Variants in LGALS8 observed in about 807,000 individuals in gnomAD.
LGALS8 encodes the protein galectin-8.
Under a neutral mutation model 35.9 loss-of-function variants are expected in LGALS8, and 30 were observed. The ratio of observed to expected loss-of-function variants is 0.83; its 90% CI spans 0.62 to 1.13. LGALS8 has a LOEUF of 1.13. Ranked by LOEUF, LGALS8 falls within the 50% of genes most tolerant of loss-of-function variation. The pLI is 0.00. For synonymous variants in LGALS8, 138 were observed against 136.1 expected (o/e 1.01, Z -0.10); for missense variants, 366 against 388.7 (o/e 0.94, Z 0.49).
chr1:236,550,006 C>T lies in LGALS8; in HGVS notation c.*1845C>T, dbSNP rs539981005. On this transcript the variant is annotated 3_prime_UTR_variant, in exon 10 of 10. Transcript: ENST00000366584. Reference sequence around the variant, plus strand: ...TTTTAAACTCAATGCGAACATTCTACGGGATGTTCTTAGATGCCTTTAAAA... The same window carrying T: ...TTTTAAACTCAATGCGAACATTCTATGGGATGTTCTTAGATGCCTTTAAAA... The T allele has an allele frequency of 2.0e-5, 3 of 152,238 alleles. No homozygotes were observed. The highest frequency in any genetic ancestry group is 2.1e-4 in the South Asian group (1 of 4,824). The allele number at this position is 152,238 out of a possible 1,614,324, so 9.4% of individuals were successfully genotyped here. A position where few individuals can be genotyped will look rare whatever the true frequency, so the allele number is the denominator to read the frequency against.
intron 1 of LGALS8, 81 bp from the exon 2 acceptor site, chr1:236,525,887 T>C (rs7518541): frequency 0.02 from 9,578 of 477,978 alleles, 691 homozygotes; most frequent in African/African-American, 0.16. Context: ...TAACATAATA[T>C]ATAATTTAAA....
At position 236,548,278 on chromosome 1, in the gene LGALS8, A is replaced by C; in HGVS notation, c.*117A>C. On this transcript the variant is annotated 3_prime_UTR_variant, in exon 10 of 10. Transcript: ENST00000366584. ...TTATATTGTTAAAATGAGCTTGTGC[A>C]CCATTAGGTCCTGCTGGGTGTTCTC... is the stretch of plus-strand genomic sequence containing the variant. The C allele has an allele frequency of 1.0e-6, 1 of 972,662 alleles. No individual in the cohort carries two copies. Among genetic ancestry groups the C allele is most frequent in the East Asian group, 2.6e-5 (1 of 38,062 alleles). The allele number at this position is 972,662 out of a possible 1,614,324, so 60.3% of individuals were successfully genotyped here. A position where few individuals can be genotyped will look rare whatever the true frequency, so the allele number is the denominator to read the frequency against.
In LGALS8 at chr1:236,550,797, A is replaced by T; in HGVS notation, c.*2636A>T. The T allele has an allele frequency of 1.3e-6, 1 of 778,960 alleles. No homozygotes were observed. Among genetic ancestry groups the T allele is most frequent in the Non-Finnish European group, 2.1e-6 (1 of 477,070 alleles). 48.3% of individuals were successfully genotyped at this position (778,960 alleles called of 1,614,324 possible). A position where few individuals can be genotyped will look rare whatever the true frequency, so the allele number is the denominator to read the frequency against. ...TAAAACATTTGTAAGTAATCCAAGT[A>T]GGTGTATTAAGGCACCAAAAGTAAC... On this transcript the variant is annotated 3_prime_UTR_variant, in exon 10 of 10. Transcript: ENST00000366584.
At position 236,540,622 on chromosome 1, in the gene LGALS8, T is replaced by C. The variant is rs200833299; in HGVS notation, c.404T>C (p.Ile135Thr). The change falls in exon 5 of 10, where the codon ATA becomes ACA. Residue 135 changes from isoleucine to threonine, a missense_variant. Ile to Thr is a moderately conservative substitution (Grantham distance 89). Transcript: ENST00000366584. ...LYGHRIGPEK[I>T]DTLGIYGKVN... ...GGCCACAGGATCGGCCCAGAGAAAA[T>C]AGACACTCTGGGCATTTATGGCAAA... 275 of 1,611,498 alleles carry C rather than the reference T, an allele frequency of 1.7e-4. No individual in the cohort carries two copies. Among genetic ancestry groups the C allele is most frequent in the Non-Finnish European group, 2.0e-4 (236 of 1,178,996 alleles).
At chr1:236,527,381 A>G (rs924952631) in intron 2 of LGALS8, among the ~76,000 whole-genome samples, 1 of 152,226 alleles carries the variant, frequency 6.6e-6, no homozygotes, top group African/African-American at 2.4e-5. Flanking sequence ...GGGGATCTGG[A>G]GAAGTAGTTC....
Position 236,526,244 on chromosome 1 carries a change from G to C in LGALS8, c.45+129G>C. On this transcript the variant is annotated intron_variant, in intron 2 of 9. Coordinates refer to ENST00000366584, the MANE Select transcript of LGALS8 (RefSeq NM_201544.4). This position sits in a 1 kb window ranked among gnomAD's most constrained non-coding sequence, Gnocchi z 4.6. ...TATTTAAAGCACCTACTATGTAATA[G>C]AGATGGTGGTGGGTGCTGATTACAA... The C allele has an allele frequency of 1.6e-6, 1 of 620,412 alleles. No individual in the cohort carries two copies. Among genetic ancestry groups the C allele is most frequent in the Non-Finnish European group, 2.8e-6 (1 of 357,222 alleles). 38.4% of individuals were successfully genotyped at this position (620,412 alleles called of 1,614,324 possible).
At position 236,542,181 on chromosome 1, in the gene LGALS8, C is replaced by T. The variant is rs564597933; in HGVS notation, c.522+471C>T. On this transcript the variant is annotated intron_variant, in intron 6 of 9. Transcript: ENST00000366584. ...CACCCTGGAAAGGACAACTAAGACA[C>T]GTTTGAAGTTCATGTAGTGCTGGGT... The T allele has an allele frequency of 4.9e-5, 8 of 163,924 alleles. No individual in the cohort carries two copies. In the South Asian group the frequency reaches 8.9e-4, roughly 18 times the overall value. 10.2% of individuals were successfully genotyped at this position (163,924 alleles called of 1,614,324 possible).
chr1:236,543,043 T>A, intron 7 of LGALS8: 2 of 1,613,724 alleles, frequency 1.2e-6, no homozygotes, highest in Non-Finnish European at 1.7e-6. Flanking sequence ...TGTCAAAGGT[T>A]TGAAGAGCAC....
In LGALS8 at chr1:236,524,010, A is replaced by G. The variant is rs1046978393; in HGVS notation, c.-155A>G. Reference sequence around the variant, plus strand: ...AGAGCCGGGAACCCTGACGGCACTTAGCTGCTGACAAACAACCTGCTCCGT... The same window carrying G: ...AGAGCCGGGAACCCTGACGGCACTTGGCTGCTGACAAACAACCTGCTCCGT... On this transcript the variant is annotated 5_prime_UTR_variant, in exon 1 of 10. Coordinates refer to ENST00000366584, the MANE Select transcript of LGALS8 (RefSeq NM_201544.4). The G allele has an allele frequency of 1.2e-5, 5 of 416,972 alleles. No homozygotes were observed. The highest frequency in any genetic ancestry group is 2.6e-5 in the Admixed American group (1 of 38,434). 25.8% of individuals were successfully genotyped at this position (416,972 alleles called of 1,614,324 possible).
intron 2 of LGALS8, among the ~76,000 whole-genome samples, chr1:236,531,397 T>C (rs150858735): frequency 0.011 from 1,681 of 152,188 alleles, 27 homozygotes; most frequent in African/African-American, 0.036. Flanking sequence ...GATCTTGGCT[T>C]ACTGCAAGCT....
At chr1:236,539,291 A>G (rs1247434172) in intron 4 of LGALS8, 5 of 573,926 alleles carry the variant, frequency 8.7e-6, no homozygotes, top group Middle Eastern at 4.7e-4. Flanking sequence ...AGTTGTTGCC[A>G]TGCAGAAATA....
At chr1:236,532,569 C>T (rs150279346) in intron 2 of LGALS8, among the ~76,000 whole-genome samples, 10 of 152,198 alleles carry the variant, frequency 6.6e-5, no homozygotes, top group East Asian at 5.8e-4. Flanking sequence ...AGGCCAGGCG[C>T]GGTGGCTCAC....
intron 9 of LGALS8, 96 bp from the exon 10 acceptor site, chr1:236,547,916 A>G: frequency 9.2e-7 from 1 of 1,087,774 alleles, no homozygotes; most frequent in South Asian, 1.5e-5. Flanking sequence ...TTTTCTATGT[A>G]TAATCAAATG....
intron 9 of LGALS8, among the ~76,000 whole-genome samples, chr1:236,546,502 G>A (rs1662372278): frequency 6.6e-6 from 1 of 151,882 alleles, no homozygotes; most frequent in African/African-American, 2.4e-5. Context: ...CTCATTCAGT[G>A]TTGTAATTTC....
chr1:236,541,500 G>A, intron 5 of LGALS8, 154 bp from the exon 6 acceptor site: 3 of 512,394 alleles, frequency 5.9e-6, no homozygotes, highest in South Asian at 6.7e-5. Context: ...TCTGATGGGG[G>A]GCGGAAAGGA....
At chr1:236,537,318 G>A (rs1287337478) in intron 2 of LGALS8, among the ~76,000 whole-genome samples, 179 bp from the exon 3 acceptor site, 2 of 152,122 alleles carry the variant, frequency 1.3e-5, no homozygotes, top group African/African-American at 4.8e-5. Context: ...CCCGGCCGCA[G>A]TTCCTTTTTC....
chr1:236,527,983 A>T (rs1320539731), intron 2 of LGALS8, among the ~76,000 whole-genome samples: 2 of 152,028 alleles, frequency 1.3e-5, no homozygotes, highest in Non-Finnish European at 2.9e-5. Flanking sequence ...TGATGTGCCC[A>T]CCTTGACCTC....
upstream of LGALS8, chr1:236,522,934 C>T (rs1038363854): frequency 6.6e-6 from 1 of 152,092 alleles, no homozygotes; most frequent in Non-Finnish European, 1.5e-5. Flanking sequence ...ATAATGAAAA[C>T]AAAAGCCAGG....
intron 4 of LGALS8, 124 bp downstream of exon 4, chr1:236,539,213 T>A: frequency 1.2e-6 from 1 of 818,654 alleles, no homozygotes; most frequent in Non-Finnish European, 2.0e-6. Flanking sequence ...TTTGGCTTTG[T>A]AGTTTTTCTC....
Sources: allele counts gnomAD v4.1 joint callset (sites outside exome capture counted in the v4.1 genomes callset), GRCh38; gene constraint gnomAD v4.1.1; non-coding constraint Gnocchi (gnomAD v3.1); transcripts MANE v1.5; gene names NCBI Gene and HGNC (gene_info 2026-07-23, HGNC 2026-07-21).